Variants in GGACT observed in about 807,000 individuals in gnomAD.
GGACT encodes gamma-glutamylamine cyclotransferase, also known as gamma-glutamylaminecyclotransferase.
For synonymous variants in GGACT, 118 were observed against 115.3 expected (o/e 1.02, Z -0.15); for missense variants, 241 against 233.2 (o/e 1.03, Z -0.22).
At chr13:100,557,422 A>C (rs1456480354) in intron 2 of GGACT, among the ~76,000 whole-genome samples, 1 of 152,210 alleles carries the variant, frequency 6.6e-6, no homozygotes, top group Non-Finnish European at 1.5e-5. Context: ...AACAAAAACT[A>C]GTTAAAAAAA....
chr13:100,539,457 A>G (rs1438471419), intron 2 of GGACT: 1 of 158,136 alleles, frequency 6.3e-6, no homozygotes, highest in Non-Finnish European at 1.4e-5. Context: ...TATCAATTGA[A>G]GTGATTGTGT....
chr13:100,561,753 G>A (rs2088762280), intron 2 of GGACT, among the ~76,000 whole-genome samples: 1 of 152,228 alleles, frequency 6.6e-6, no homozygotes, highest in South Asian at 2.1e-4. Flanking sequence ...GGGCAGAGGT[G>A]CTGCTCAGTG....
chr13:100,568,692 C>T (rs1464278231), intron 2 of GGACT, among the ~76,000 whole-genome samples: 1 of 152,224 alleles, frequency 6.6e-6, no homozygotes, highest in Non-Finnish European at 1.5e-5. Flanking sequence ...GCCCTCCCAA[C>T]AGTCCCTCAG....
intron 2 of GGACT, among the ~76,000 whole-genome samples, chr13:100,558,307 C>A (rs776485572): frequency 1.3e-5 from 2 of 152,024 alleles, no homozygotes; most frequent in Non-Finnish European, 2.9e-5. Flanking sequence ...GCAAGACTAC[C>A]TCTCCAAAAA....
intron 2 of GGACT, chr13:100,539,650 T>C (rs2153012775): frequency 4.0e-6 from 2 of 503,238 alleles, no homozygotes; most frequent in Middle Eastern, 1.0e-3. Context: ...TCAAGAATAT[T>C]AGTCTGTAGT....
rs1378463506 is a variant in GGACT at position 100,534,553 on chromosome 13, G to C, written c.-10-1952C>G. ...GAGAGGGCACTGGATGGAAGCAGCT[G>C]TCTACAACAGCGGGCAAGGAGCTAT... is the stretch of plus-strand genomic sequence containing the variant. On this transcript the variant is annotated intron_variant, in intron 2 of 2. Coordinates refer to ENST00000683975, the MANE Select transcript of GGACT (RefSeq NM_001195087.2). The surrounding 1 kb of genome is among the most constrained non-coding windows in gnomAD (Gnocchi z 4.9). Among the ~76,000 whole-genome samples, 1 of 152,050 alleles carries C rather than the reference G, an allele frequency of 6.6e-6. No individual in the cohort carries two copies. The highest frequency in any genetic ancestry group is 1.5e-5 in the Non-Finnish European group (1 of 68,010).
At chr13:100,540,931 A>G (rs752251981) in intron 2 of GGACT, among the ~76,000 whole-genome samples, 2 of 152,168 alleles carry the variant, frequency 1.3e-5, no homozygotes, top group African/African-American at 2.4e-5. Context: ...GCAGAAGGGG[A>G]TGCCACCTTC....
chr13:100,566,673 G>C (rs1249500108), intron 2 of GGACT, among the ~76,000 whole-genome samples: 1 of 152,184 alleles, frequency 6.6e-6, no homozygotes, highest in Non-Finnish European at 1.5e-5. Flanking sequence ...TCTGCTCAGG[G>C]AGTAAACCAC....
intron 2 of GGACT, among the ~76,000 whole-genome samples, chr13:100,547,915 C>G (rs1021812228): frequency 6.6e-6 from 1 of 152,206 alleles, no homozygotes; most frequent in African/African-American, 2.4e-5. Flanking sequence ...AACGGTTTGC[C>G]TTTTAGAGTA....
intron 2 of GGACT, among the ~76,000 whole-genome samples, chr13:100,568,424 G>A (rs965904908): frequency 2.0e-5 from 3 of 152,260 alleles, no homozygotes; most frequent in African/African-American, 2.4e-5. Flanking sequence ...AGAAGAATGA[G>A]TGCCCAGTGA....
rs141654870 is a variant in GGACT at position 100,573,584 on chromosome 13, C to T, written c.-11+10241G>A. On this transcript the variant is annotated intron_variant, in intron 2 of 2. Transcript: ENST00000683975. The stretch of plus-strand genomic sequence containing the variant: ...CCTAGGCTGGTCTCAAACTCCTGGG[C>T]TCAAGCAATCCACACGCCTCAGCCT... Among the ~76,000 whole-genome samples the T allele has an allele frequency of 2.6e-5, 4 of 152,144 alleles. No homozygotes were observed. In the East Asian group the frequency reaches 7.7e-4, roughly 29 times the overall value.
At chr13:100,561,169 T>C (rs562015651) in intron 2 of GGACT, among the ~76,000 whole-genome samples, 18 of 152,224 alleles carry the variant, frequency 1.2e-4, no homozygotes, top group South Asian at 4.1e-4. Context: ...TCCAGCTCCA[T>C]TGCTATTATT....
chr13:100,580,720 G>T (rs968310566), intron 2 of GGACT, among the ~76,000 whole-genome samples: 1 of 152,210 alleles, frequency 6.6e-6, no homozygotes, highest in Non-Finnish European at 1.5e-5. Context: ...CTGCCAGGGG[G>T]AAGCTATGAA....
At chr13:100,576,459 T>C (rs951913317) in intron 2 of GGACT, among the ~76,000 whole-genome samples, 1 of 152,210 alleles carries the variant, frequency 6.6e-6, no homozygotes, top group African/African-American at 2.4e-5. Flanking sequence ...CCTAGAAAGA[T>C]GAAAACTTTT....
At chr13:100,541,965 T>C (rs957998133) in intron 2 of GGACT, among the ~76,000 whole-genome samples, 1 of 152,252 alleles carries the variant, frequency 6.6e-6, no homozygotes, top group African/African-American at 2.4e-5. Flanking sequence ...ATAGCCTGCA[T>C]TTCTGGCTTC....
chr13:100,578,618 T>C (rs1248689880), intron 2 of GGACT, among the ~76,000 whole-genome samples: 4 of 152,240 alleles, frequency 2.6e-5, no homozygotes, highest in Non-Finnish European at 1.5e-5. Flanking sequence ...TGACTTAGAC[T>C]TCGTCAATGT....
At chr13:100,557,892 G>A (rs1321835204) in intron 2 of GGACT, among the ~76,000 whole-genome samples, 3 of 151,912 alleles carry the variant, frequency 2.0e-5, no homozygotes, top group Admixed American at 6.6e-5. Flanking sequence ...TTAAAAGTAG[G>A]CAAAACAAAG....
intron 2 of GGACT, among the ~76,000 whole-genome samples, chr13:100,575,440 C>T (rs947211359): frequency 6.6e-6 from 1 of 152,128 alleles, no homozygotes; most frequent in Non-Finnish European, 1.5e-5. Context: ...ATTTTTGTTT[C>T]ACAAATTTCG....
At chr13:100,546,538 C>T (rs1412510297) in intron 2 of GGACT, among the ~76,000 whole-genome samples, 1 of 151,890 alleles carries the variant, frequency 6.6e-6, no homozygotes, top group Non-Finnish European at 1.5e-5. Flanking sequence ...AGACTGGGTG[C>T]GGTGGCTCAT....
Sources: gnomAD v4.1 joint callset for allele counts (sites outside exome capture counted in the v4.1 genomes callset) on GRCh38, gnomAD v4.1.1 for gene constraint, Gnocchi (gnomAD v3.1) non-coding constraint, MANE v1.5 for transcripts, NCBI Gene and HGNC (gene_info 2026-07-23, HGNC 2026-07-21) for gene names.